The following AGAP4 variants were observed in gnomAD, a reference collection of about 807,000 sequenced individuals.
AGAP4 encodes ArfGAP with GTPase domain, ankyrin repeat and PH domain 4, also known as arf-GAP with GTPase, ANK repeat and PH domain-containing protein 4.
Under a neutral mutation model 60.7 loss-of-function variants are expected in AGAP4, and 13 were observed. The ratio of observed to expected loss-of-function variants is 0.21; its 90% CI spans 0.14 to 0.34. The LOEUF (loss-of-function observed/expected upper bound fraction) is 0.34, where lower values mean the gene tolerates loss of function less well. AGAP4 is among the 10% of genes least tolerant of loss of function. The pLI, the probability that AGAP4 is intolerant of heterozygous loss-of-function variation, is 1.00. For missense variants in AGAP4, 169 were observed against 884.0 expected (o/e 0.19, Z 10.26); for synonymous variants, 70 against 339.0 (o/e 0.21, Z 8.72).
intron 3 of AGAP4, 145 bp from the exon 4 acceptor site, chr10:45,841,832 T>A: frequency 1.4e-6 from 1 of 718,360 alleles, no homozygotes; most frequent in South Asian, 2.2e-5. Context: ...ATAATTTAAA[T>A]TATCTGGCAT....
At chr10:45,847,539 G>A (rs1257413557), upstream of AGAP4, 18 of 1,474,328 alleles carry the variant, frequency 1.2e-5, no homozygotes, top group Middle Eastern at 2.5e-4. Flanking sequence ...CTAGGGCTGC[G>A]GGCCAAGGCC....
chr10:45,830,177 T>C (rs1590016759), intron 6 of AGAP4, among the ~76,000 whole-genome samples: 1 of 149,356 alleles, frequency 6.7e-6, no homozygotes, highest in African/African-American at 2.4e-5. Flanking sequence ...TATTGCTTCT[T>C]TTTTTCTTTT....
chr10:45,846,986 C>G lies in AGAP4; in HGVS notation c.223+139G>C, dbSNP rs1179928229. On this transcript the variant is annotated intron_variant, in intron 1 of 7. Coordinates refer to ENST00000616763, the MANE Select transcript of AGAP4 (RefSeq NM_001276343.3). ...GGGTGGGAATTCAAGGCAGAGCCAG[C>G]TTTTGTTCCTGGCCAGCTCCCGGGA... 45 of 1,595,144 alleles carry G rather than the reference C, an allele frequency of 2.8e-5. No homozygotes were observed. In the African/African-American group the frequency reaches 5.6e-4, roughly 20 times the overall value.
At chr10:45,853,580 G>A (rs2059109208) in intron 1 of AGAP4, 1 of 1,265,370 alleles carries the variant, frequency 7.9e-7, no homozygotes, top group Admixed American at 2.5e-5. Flanking sequence ...TATCAATTGT[G>A]CAATTATCAT....
chr10:45,830,175 CTTTT>C (rs1438623289), intron 6 of AGAP4, among the ~76,000 whole-genome samples: 1 of 149,256 alleles, frequency 6.7e-6, no homozygotes, highest in Non-Finnish European at 1.5e-5. Context: ...CTTATTGCTT[CTTTT>C]TTTCTTTTTT....
chr10:45,847,644 CACA>C (rs1409339223), upstream of AGAP4: 24 of 1,375,016 alleles, frequency 1.7e-5, no homozygotes, highest in African/African-American at 1.8e-4. Flanking sequence ...TGCTGAGAGA[CACA>C]ACAACTGCCT....
At chr10:45,834,491 T>G (rs1300787661) in intron 4 of AGAP4, among the ~76,000 whole-genome samples, 2 of 130,240 alleles carry the variant, frequency 1.5e-5, no homozygotes, top group Non-Finnish European at 3.1e-5. Flanking sequence ...CTGGCTAACA[T>G]GGTGAAACCC....
chr10:45,852,217 TAAAAAAAAAAAAAA>T (rs781889843), upstream of AGAP4, among the ~76,000 whole-genome samples: 1 of 91,736 alleles, frequency 1.1e-5, no homozygotes. Flanking sequence ...GGCCAGACTT[TAAAAAAAAAAAAAA>T]AAAAAAAAAA....
upstream of AGAP4, among the ~76,000 whole-genome samples, chr10:45,850,146 C>T (rs2059065833): frequency 2.0e-5 from 3 of 151,828 alleles, no homozygotes; most frequent in Non-Finnish European, 2.9e-5. Context: ...TCAGGTTGAT[C>T]TCGAACTCCT....
Position 45,847,295 on chromosome 10 carries a change from T to G in AGAP4, c.53A>C (p.Asp18Ala). ...RVHPSVSLEFDQQQGSVCPSE... is the reference protein window; with the variant it reads ...RVHPSVSLEFAQQQGSVCPSE... ...GGGACACACCGACCCCTGCTGCTGG[T>G]CAAACTCGAGGCTGACGCTAGGGTG... The change falls in exon 1 of 8, where the codon GAC becomes GCC. Residue 18 changes from aspartate (D) to alanine (A), a missense_variant. Asp to Ala is a moderately radical substitution (Grantham distance 126). Coordinates refer to ENST00000616763, the MANE Select transcript of AGAP4 (RefSeq NM_001276343.3). The G allele has an allele frequency of 6.3e-7, 1 of 1,596,656 alleles. No individual in the cohort carries two copies. Among genetic ancestry groups the G allele is most frequent in the Non-Finnish European group, 8.5e-7 (1 of 1,179,700 alleles).
upstream of AGAP4, among the ~76,000 whole-genome samples, chr10:45,849,476 T>G (rs2099493): frequency 0.16 from 20,439 of 126,260 alleles, 999 homozygotes; most frequent in African/African-American, 0.23. Context: ...TGATGATGAT[T>G]ATTATTATTA....
intron 1 of AGAP4, among the ~76,000 whole-genome samples, 177 bp from the exon 2 acceptor site, chr10:45,846,932 C>G (rs1358575467): frequency 6.6e-6 from 1 of 151,292 alleles, no homozygotes; most frequent in African/African-American, 2.4e-5. Context: ...CGAAAAGAAA[C>G]TGACTGGACT....
chr10:45,854,538 G>T (rs1191903549), upstream of AGAP4: 4 of 149,914 alleles, frequency 2.7e-5, no homozygotes, highest in African/African-American at 9.9e-5. Context: ...GGAGGCTGAG[G>T]CAGGAGAATC....
chr10:45,852,015 C>G (rs2059089260), upstream of AGAP4, among the ~76,000 whole-genome samples: 1 of 147,092 alleles, frequency 6.8e-6, no homozygotes, highest in Admixed American at 6.8e-5. Flanking sequence ...TGGGTTCATG[C>G]CATTCTCCTG....
chr10:45,851,229 G>C (rs1432309526), upstream of AGAP4, among the ~76,000 whole-genome samples: 1 of 152,048 alleles, frequency 6.6e-6, no homozygotes, highest in Non-Finnish European at 1.5e-5. Flanking sequence ...CTGGAGAATA[G>C]GGTGATTTGC....
intron 4 of AGAP4, among the ~76,000 whole-genome samples, chr10:45,834,860 G>A (rs1219911212): frequency 1.4e-5 from 2 of 146,042 alleles, no homozygotes; most frequent in African/African-American, 5.5e-5. Context: ...TGCAAGCTCC[G>A]CCTCCCGGGT....
intron 6 of AGAP4, among the ~76,000 whole-genome samples, chr10:45,830,713 C>G (rs1373854763): frequency 1.5e-5 from 2 of 130,206 alleles, no homozygotes; most frequent in Non-Finnish European, 3.4e-5. Context: ...TCTCGATCTC[C>G]TGACCTTGTG....
intron 5 of AGAP4, among the ~76,000 whole-genome samples, chr10:45,832,084 G>A (rs1251941078): frequency 2.2e-4 from 29 of 133,270 alleles, no homozygotes; most frequent in African/African-American, 7.7e-4. Context: ...TAATTTTGTA[G>A]AGTGAGGCTC....
chr10:45,845,547 C>T (rs1183267171), intron 2 of AGAP4, among the ~76,000 whole-genome samples: 2 of 113,406 alleles, frequency 1.8e-5, no homozygotes, highest in African/African-American at 3.2e-5. Context: ...TCTTTTCTAC[C>T]GGCTCCCATC....
Sources: allele counts gnomAD v4.1 joint callset (sites outside exome capture counted in the v4.1 genomes callset), GRCh38; gene constraint gnomAD v4.1.1; transcripts MANE v1.5; gene names NCBI Gene and HGNC (gene_info 2026-07-23, HGNC 2026-07-21).